Variants in MCTP1 observed in about 807,000 individuals in gnomAD.
MCTP1 encodes the protein multiple C2 and transmembrane domain-containing protein 1.
A neutral mutation model predicts 120.6 loss-of-function variants in MCTP1; 69 were observed. The ratio of observed to expected loss-of-function variants is 0.57; its 90% CI spans 0.47 to 0.70. MCTP1 has a LOEUF of 0.70. MCTP1 is among the 30% of genes least tolerant of loss of function. The pLI is 0.00. For synonymous variants in MCTP1, 529 were observed against 493.1 expected (o/e 1.07, Z -0.96); for missense variants, 1,203 against 1,248.8 (o/e 0.96, Z 0.55).
chr5:94,860,877 G>GA (rs11333305), intron 17 of MCTP1, among the ~76,000 whole-genome samples: 107 of 150,418 alleles, frequency 7.1e-4, no homozygotes, highest in East Asian at 2.4e-3. Flanking sequence ...CAGTGACTAT[G>GA]AAAAAAAAAA....
chr5:94,952,187 A>AAAAAAAAAAAAAAAAAAC (rs1820796539), intron 3 of MCTP1, among the ~76,000 whole-genome samples: 1 of 141,738 alleles, frequency 7.1e-6, no homozygotes, highest in Admixed American at 7.2e-5. Context: ...AAAAAAAAAA[A>AAAAAAAAAAAAAAAAAAC]AAAAAAGCTA....
At chr5:95,213,311 G>A (rs1278141520) in intron 1 of MCTP1, among the ~76,000 whole-genome samples, 6 of 152,276 alleles carry the variant, frequency 3.9e-5, no homozygotes, top group Middle Eastern at 3.4e-3. Flanking sequence ...TACAAAGGAC[G>A]TGAAAGACCT....
chr5:95,085,871 T>C (rs1027180991), intron 1 of MCTP1, among the ~76,000 whole-genome samples: 3 of 152,064 alleles, frequency 2.0e-5, no homozygotes, highest in African/African-American at 4.8e-5. Context: ...CAAAGTTGAG[T>C]ATTTTACCTT....
chr5:94,804,926 G>A lies in MCTP1; in HGVS notation c.2437-5794C>T, dbSNP rs373566042. Among the ~76,000 whole-genome samples, 7 of 152,194 alleles carry A rather than the reference G, an allele frequency of 4.6e-5. No homozygotes were observed. The East Asian group carries it at 1.3e-3, about 29-fold the overall frequency. ...CTAAGAGTTAAACAGAAGGGTTCCA[G>A]TTAAAAGCTTTACTAATAATTGAAA... On this transcript the variant is annotated intron_variant, in intron 17 of 22. Coordinates refer to ENST00000515393, the MANE Select transcript of MCTP1 (RefSeq NM_024717.7).
At chr5:94,897,139 T>C (rs980308830) in intron 10 of MCTP1, among the ~76,000 whole-genome samples, 4 of 149,222 alleles carry the variant, frequency 2.7e-5, no homozygotes, top group Non-Finnish European at 4.5e-5. Context: ...CATGGCTCAC[T>C]GCAGCATTGA....
At chr5:95,155,584 CA>C (rs538865033) in intron 1 of MCTP1, among the ~76,000 whole-genome samples, 14 of 145,326 alleles carry the variant, frequency 9.6e-5, no homozygotes, top group South Asian at 2.2e-4. Context: ...AAGTCTGTAA[CA>C]AAAAAAAAAG....
intron 1 of MCTP1, among the ~76,000 whole-genome samples, chr5:95,106,249 G>C (rs1757074834): frequency 6.6e-6 from 1 of 152,164 alleles, no homozygotes; most frequent in South Asian, 2.1e-4. Flanking sequence ...GTCACCTCAG[G>C]CCACTGATAC....
chr5:94,845,526 T>C (rs1372409423), intron 17 of MCTP1, among the ~76,000 whole-genome samples: 1 of 61,696 alleles, frequency 1.6e-5, no homozygotes, highest in African/African-American at 4.3e-5. Flanking sequence ...GCAAAGGACA[T>C]GAACATTTTT....
chr5:94,780,321 C>T (rs540809987), intron 18 of MCTP1, among the ~76,000 whole-genome samples: 1 of 151,682 alleles, frequency 6.6e-6, no homozygotes, highest in South Asian at 2.1e-4. Flanking sequence ...CTTTAATAAC[C>T]AAGACTGTAT....
chr5:95,168,255 T>A (rs975647213), intron 1 of MCTP1, among the ~76,000 whole-genome samples: 6 of 152,086 alleles, frequency 3.9e-5, no homozygotes, highest in Non-Finnish European at 5.9e-5. Context: ...ATTGGTTTAT[T>A]TCTCTGTTTT....
chr5:95,066,345 A>T, intron 1 of MCTP1, among the ~76,000 whole-genome samples: 1 of 152,238 alleles, frequency 6.6e-6, no homozygotes. Flanking sequence ...AAGACAAGAG[A>T]TAACTAGTGT....
intron 1 of MCTP1, among the ~76,000 whole-genome samples, chr5:95,221,964 A>C (rs1049036164): frequency 6.6e-6 from 1 of 152,236 alleles, no homozygotes; most frequent in Non-Finnish European, 1.5e-5. Context: ...CAAGTGATCA[A>C]AAAGAAAAAC....
chr5:95,270,825 G>A (rs1317690362), intron 1 of MCTP1, among the ~76,000 whole-genome samples: 1 of 152,058 alleles, frequency 6.6e-6, no homozygotes, highest in Non-Finnish European at 1.5e-5. Context: ...AGCCACTTGG[G>A]AGACTGAGGC....
At chr5:94,884,747 C>G (rs771538279) in intron 12 of MCTP1, among the ~76,000 whole-genome samples, 1 of 152,098 alleles carries the variant, frequency 6.6e-6, no homozygotes, top group Non-Finnish European at 1.5e-5. Flanking sequence ...TTTAGCTCTG[C>G]TAATGAATCT....
At chr5:94,857,688 G>C (rs1794961822) in intron 17 of MCTP1, among the ~76,000 whole-genome samples, 1 of 151,654 alleles carries the variant, frequency 6.6e-6, no homozygotes, top group Non-Finnish European at 1.5e-5. Context: ...AGGTCCTTCT[G>C]CTTAAGGATG....
chr5:95,257,481 ATTG>A (rs1758008218), intron 1 of MCTP1, among the ~76,000 whole-genome samples: 1 of 152,130 alleles, frequency 6.6e-6, no homozygotes, highest in African/African-American at 2.4e-5. Context: ...GAATGCCTAC[ATTG>A]TTTTTTTAAT....
chr5:94,823,992 A>G (rs1387027846), intron 17 of MCTP1, among the ~76,000 whole-genome samples: 1 of 152,254 alleles, frequency 6.6e-6, no homozygotes, highest in Non-Finnish European at 1.5e-5. Context: ...ATCTGCAAAC[A>G]GAAATACTTC....
Position 95,284,445 on chromosome 5 carries a change from C to T in MCTP1, c.131G>A (p.Gly44Glu), listed in dbSNP as rs765776721. Residue 44 changes from glycine (G) to glutamate (E), a missense_variant, in exon 1 of 23, where the codon GGG (glycine) becomes GAG (glutamate). By Grantham distance (98) the Gly-to-Glu change is moderately conservative (BLOSUM62 -2). Transcript: ENST00000515393. The surrounding 1 kb of genome is among the most constrained non-coding windows in gnomAD (Gnocchi z 5.2). ...GTCCGCAGTGCGGCGCTCTGGACCC[C>T]CAGCGCGCCCGCCCCCGCCGCCCTT... ...RSKGGGGGRA[G>E]GPERRTADTP... 3 of 1,523,578 alleles carry T rather than the reference C, an allele frequency of 2.0e-6. No individual in the cohort carries two copies. In the South Asian group the frequency reaches 3.6e-5, roughly 18 times the overall value. 94.4% of individuals were successfully genotyped at this position (1,523,578 alleles called of 1,614,324 possible). A position where few individuals can be genotyped will look rare whatever the true frequency, so the allele number is the denominator to read the frequency against.
chr5:94,836,586 C>T (rs12653136), intron 17 of MCTP1, among the ~76,000 whole-genome samples: 10,628 of 152,196 alleles, frequency 0.07, 507 homozygotes, highest in East Asian at 0.26. Flanking sequence ...AAGATTTATA[C>T]TAAGAAATTC....
Sources: allele counts gnomAD v4.1 joint callset (sites outside exome capture counted in the v4.1 genomes callset), GRCh38; gene constraint gnomAD v4.1.1; non-coding constraint Gnocchi (gnomAD v3.1); transcripts MANE v1.5; gene names NCBI Gene and HGNC (gene_info 2026-07-23, HGNC 2026-07-21).